Variants in THRA observed in about 807,000 individuals in gnomAD.
The protein encoded by THRA is thyroid hormone receptor alpha.
In THRA, 13 loss-of-function variants were observed where a neutral mutation model predicts 45.0. The observed-to-expected ratio is 0.29, with a 90% CI of 0.19 to 0.46. The LOEUF is 0.46. Among genes scored for constraint, THRA ranks in the 20% least tolerant of loss-of-function variants. THRA has a pLI of 1.00. For missense variants in THRA, 278 were observed against 556.1 expected, an observed-to-expected ratio of 0.50 and a Z score of 5.03; for synonymous variants, 195 against 214.0, an observed-to-expected ratio of 0.91 and a Z score of 0.78.
At chr17:40,093,836 T>C, downstream of THRA, 1 of 1,339,684 alleles carries the variant, frequency 7.5e-7, no homozygotes, top group Non-Finnish European at 1.1e-6. This position sits in a 1 kb window ranked among gnomAD's most constrained non-coding sequence, Gnocchi z 5.9. Flanking sequence ...TGGCATAGAG[T>C]AGGTACTCCA....
At chr17:40,085,093 T>C (rs1478022280) in intron 6 of THRA, among the ~76,000 whole-genome samples, 1 of 152,182 alleles carries the variant, frequency 6.6e-6, no homozygotes, top group Non-Finnish European at 1.5e-5. Context: ...TTTCCTGCCC[T>C]TAGTGACTGG....
At chr17:40,063,689 A>G (rs1268241975) in intron 1 of THRA, among the ~76,000 whole-genome samples, 1 of 151,832 alleles carries the variant, frequency 6.6e-6, no homozygotes, top group Non-Finnish European at 1.5e-5. Context: ...TTGGGGGGGA[A>G]TGTGTGTGTG....
At chr17:40,079,339 C>T (rs984075576) in intron 4 of THRA, among the ~76,000 whole-genome samples, 5 of 152,080 alleles carry the variant, frequency 3.3e-5, no homozygotes, top group Non-Finnish European at 7.4e-5. Flanking sequence ...CTCCACCTCT[C>T]GGGTTCAAGC....
chr17:40,090,121 C>T lies in THRA; in HGVS notation c.*665C>T, dbSNP rs950248913. 1 of 736,972 alleles carries T rather than the reference C, an allele frequency of 1.4e-6. No individual in the cohort carries two copies. Among genetic ancestry groups the T allele is most frequent in the Non-Finnish European group, 1.7e-6 (1 of 603,364 alleles). 45.7% of individuals were successfully genotyped at this position (736,972 alleles called of 1,614,324 possible). On this transcript the variant is annotated 3_prime_UTR_variant, in exon 9 of 9. Transcript: ENST00000450525. ...GAGGCTGACCAGAGGGGAGGACCCC[C>T]CCTTTACCACCCCATGCACTTTGCG...
chr17:40,068,032 C>G (rs1986634561), intron 1 of THRA, among the ~76,000 whole-genome samples: 1 of 152,152 alleles, frequency 6.6e-6, no homozygotes, highest in Non-Finnish European at 1.5e-5. Flanking sequence ...CACATCCTCT[C>G]AAAACAGACA....
At chr17:40,063,819 T>C (rs1341252850) in intron 1 of THRA, among the ~76,000 whole-genome samples, 1 of 151,834 alleles carries the variant, frequency 6.6e-6, no homozygotes, top group Non-Finnish European at 1.5e-5. Context: ...AACGTGTCTC[T>C]GGTGCCCCTT....
chr17:40,081,391 G>A (rs1437864383), intron 4 of THRA, among the ~76,000 whole-genome samples: 1 of 151,994 alleles, frequency 6.6e-6, no homozygotes, highest in African/African-American at 2.4e-5. Context: ...CTCCAGAGTA[G>A]CTGGGATTAT....
chr17:40,089,784 G>A lies in THRA; in HGVS notation c.*328G>A, dbSNP rs1399970844. The A allele has an allele frequency of 1.5e-5, 18 of 1,169,694 alleles. No homozygotes were observed. The highest frequency in any genetic ancestry group is 1.9e-5 in the Non-Finnish European group (18 of 939,300). 72.5% of individuals were successfully genotyped at this position (1,169,694 alleles called of 1,614,324 possible). Reference sequence around the variant, plus strand: ...AAGGGACAAGCCACCTTGACCGTAGGGGAAGGAGGAATGTGGGCTGGGGGA... The same window carrying A: ...AAGGGACAAGCCACCTTGACCGTAGAGGAAGGAGGAATGTGGGCTGGGGGA... On this transcript the variant is annotated 3_prime_UTR_variant, in exon 9 of 9. Coordinates refer to ENST00000450525, the MANE Select transcript of THRA (RefSeq NM_199334.5). This position sits in a 1 kb window ranked among gnomAD's most constrained non-coding sequence, Gnocchi z 6.1.
intron 7 of THRA, among the ~76,000 whole-genome samples, chr17:40,087,827 G>A (rs1443050050): frequency 2.0e-5 from 3 of 152,066 alleles, no homozygotes; most frequent in Non-Finnish European, 4.4e-5. Flanking sequence ...GACGCGATCT[G>A]GGCTCACTGC....
intron 2 of THRA, among the ~76,000 whole-genome samples, chr17:40,075,183 C>T (rs1986908466): frequency 6.6e-6 from 1 of 152,196 alleles, no homozygotes; most frequent in African/African-American, 2.4e-5. Flanking sequence ...TCTGCATTGC[C>T]CTTGAGGAGC....
At chr17:40,068,005 G>A (rs1986632586) in intron 1 of THRA, among the ~76,000 whole-genome samples, 1 of 152,196 alleles carries the variant, frequency 6.6e-6, no homozygotes, top group Non-Finnish European at 1.5e-5. Context: ...GAACAACAGA[G>A]TGAGACCCCC....
chr17:40,067,852 T>C lies in THRA; in HGVS notation c.-298+4760T>C, dbSNP rs114756541. On this transcript the variant is annotated intron_variant, in intron 1 of 8. Coordinates refer to ENST00000450525, the MANE Select transcript of THRA (RefSeq NM_199334.5). Reference sequence around the variant, plus strand: ...GGTCAACATAGTGAGACCCCATCTCTAAAAACAACTTTAAAAAGTTAGCCA... The same window carrying C: ...GGTCAACATAGTGAGACCCCATCTCCAAAAACAACTTTAAAAAGTTAGCCA... 6.8e-3 allele frequency among the ~76,000 whole-genome samples: 1,030 copies of C among 152,238 alleles called. 15 individuals carry two copies. Among genetic ancestry groups the C allele is most frequent in the African/African-American group, 0.024 (1,000 of 41,524 alleles).
At chr17:40,075,645 G>C (rs535824307) in intron 2 of THRA, among the ~76,000 whole-genome samples, 1 of 152,336 alleles carries the variant, frequency 6.6e-6, no homozygotes, top group South Asian at 2.1e-4. Flanking sequence ...AGTCTCCTAA[G>C]ACTGCAACCC....
chr17:40,072,627 T>C (rs970910341), intron 1 of THRA, among the ~76,000 whole-genome samples: 2 of 152,092 alleles, frequency 1.3e-5, no homozygotes, highest in African/African-American at 4.8e-5. Flanking sequence ...GCAGCCTCGC[T>C]GGACGTGGAG....
rs572710026 is a variant in THRA, at chr17:40,073,172, G to A, written c.-297-1020G>A. On this transcript the variant is annotated intron_variant, in intron 1 of 8. Coordinates refer to ENST00000450525, the MANE Select transcript of THRA (RefSeq NM_199334.5). Reference sequence around the variant, plus strand: ...CAGCCACGTGACAGAGGTTGAGGTCGTATGTTGGGGAGCTGTACCCTTTGT... The same window carrying A: ...CAGCCACGTGACAGAGGTTGAGGTCATATGTTGGGGAGCTGTACCCTTTGT... Among the ~76,000 whole-genome samples, 33 of 152,270 alleles carry A rather than the reference G, an allele frequency of 2.2e-4. No homozygotes were observed. The South Asian group carries it at 5.0e-3, about 23-fold the overall frequency.
At chr17:40,093,862 A>G (rs960971592), downstream of THRA, 4 of 1,566,144 alleles carry the variant, frequency 2.6e-6, no homozygotes, top group Non-Finnish European at 3.5e-6. This position sits in a 1 kb window ranked among gnomAD's most constrained non-coding sequence, Gnocchi z 5.9. Flanking sequence ...GGTGTGTTGA[A>G]TTGAACTGCG....
Position 40,079,149 on chromosome 17 carries a change from G to T in THRA, c.222+1541G>T, listed in dbSNP as rs1365113912. Among the ~76,000 whole-genome samples the T allele has an allele frequency of 2.6e-5, 4 of 152,248 alleles. 1 individual carries two copies. The highest frequency in any genetic ancestry group is 6.8e-3 in the Middle Eastern group (2 of 294). ...CCTGAAAGAGCGAGAGCCAGTACTG[G>T]GGGGGTAGTGGGAGCTGGGAGCACA... On this transcript the variant is annotated intron_variant, in intron 4 of 8. Transcript: ENST00000450525.
chr17:40,072,121 G>C (rs1339097897), intron 1 of THRA: 1 of 152,466 alleles, frequency 6.6e-6, no homozygotes, highest in African/African-American at 2.4e-5. Flanking sequence ...GCAGGAGAGA[G>C]GGATGGGGAA....
Position 40,092,727 on chromosome 17 carries a change from G to GC in THRA, c.*3279dup, listed in dbSNP as rs963278284. On this transcript the variant is annotated 3_prime_UTR_variant, in exon 9 of 9. Transcript: ENST00000450525. ...CACAAACTGACCAGATGGAGAGGTG[G>GC]CCCCCCCCAGCCTTGGCAGTATTTC... 5.4e-4 allele frequency: 181 copies of GC among 337,886 alleles called. No homozygotes were observed. Among genetic ancestry groups the GC allele is most frequent in the African/African-American group, 2.0e-3 (93 of 47,522 alleles). The allele number at this position is 337,886 out of a possible 1,614,324, so 20.9% of individuals were successfully genotyped here. A position where few individuals can be genotyped will look rare whatever the true frequency, so the allele number is the denominator to read the frequency against.
Sources: gnomAD v4.1 joint callset for allele counts (sites outside exome capture counted in the v4.1 genomes callset) on GRCh38, gnomAD v4.1.1 for gene constraint, Gnocchi (gnomAD v3.1) non-coding constraint, MANE v1.5 for transcripts, NCBI Gene and HGNC (gene_info 2026-07-23, HGNC 2026-07-21) for gene names.